Variants in AKAP13 observed in about 807,000 individuals in gnomAD.
AKAP13 encodes the protein A-kinase anchoring protein 13, also known as A-kinase anchor protein 13.
Under a neutral mutation model 264.5 loss-of-function variants are expected in AKAP13, and 80 were observed. The ratio of observed to expected loss-of-function variants is 0.30; its 90% confidence interval spans 0.25 to 0.36. AKAP13 has a LOEUF of 0.36. Ranked by LOEUF, AKAP13 falls within the 10% of genes least tolerant of loss-of-function variation. The pLI is 1.00. For synonymous variants in AKAP13, 1,380 were observed against 1,250.2 expected (o/e 1.10, Z -2.19); for missense variants, 3,712 against 3,435.2 (o/e 1.08, Z -2.01).
intron 1 of AKAP13, among the ~76,000 whole-genome samples, chr15:85,425,042 A>G (rs1011838921): frequency 6.6e-6 from 1 of 152,216 alleles, no homozygotes; most frequent in African/African-American, 2.4e-5. Flanking sequence ...ATCACAGATT[A>G]CCATAACAGA....
In AKAP13 at chr15:85,521,107, T is replaced by C. The variant is rs191119541; in HGVS notation, c.34-321T>C. ...TTGGATTTTCTTCTATGTCTCCCCC[T>C]GCCCCTCCCCTTTTTAACCCATTCA... On this transcript the variant is annotated intron_variant, in intron 2 of 36. Coordinates refer to ENST00000394518, the MANE Select transcript of AKAP13 (RefSeq NM_007200.5). 7.2e-3 allele frequency among the ~76,000 whole-genome samples: 1,090 copies of C among 152,344 alleles called. 20 individuals carry two copies. The highest frequency in any genetic ancestry group is 0.025 in the African/African-American group (1,037 of 41,572).
At chr15:85,678,303 T>A (rs1220733307) in intron 14 of AKAP13, among the ~76,000 whole-genome samples, 1 of 152,198 alleles carries the variant, frequency 6.6e-6, no homozygotes, top group Non-Finnish European at 1.5e-5. Context: ...ACTTGCTGAT[T>A]CTAAGTTTCA....
intron 14 of AKAP13, among the ~76,000 whole-genome samples, chr15:85,672,388 A>C (rs1487778581): frequency 6.6e-6 from 1 of 152,278 alleles, no homozygotes; most frequent in Non-Finnish European, 1.5e-5. Context: ...AACATAATAC[A>C]TCATTTTGGA....
At chr15:85,566,265 G>A (rs1212796110) in intron 5 of AKAP13, among the ~76,000 whole-genome samples, 1 of 152,202 alleles carries the variant, frequency 6.6e-6, no homozygotes, top group Non-Finnish European at 1.5e-5. Context: ...TGGTACATAA[G>A]ATGATGGTGC....
At chr15:85,429,399 G>A (rs1414476084) in intron 1 of AKAP13, among the ~76,000 whole-genome samples, 1 of 152,088 alleles carries the variant, frequency 6.6e-6, no homozygotes. Context: ...GTGCAGCAAG[G>A]GAAGCGATTC....
At chr15:85,544,042 T>C in intron 5 of AKAP13, 87 bp downstream of exon 5, 1 of 1,504,146 alleles carries the variant, frequency 6.6e-7, no homozygotes, top group South Asian at 1.1e-5. Context: ...GGCATCTCAT[T>C]GTGTGTTTGC....
Position 85,736,099 on chromosome 15 carries a change from G to T in AKAP13, c.7522G>T (p.Ala2508Ser), listed in dbSNP as rs2088467553. 5.0e-6 allele frequency: 8 copies of T among 1,606,124 alleles called. No individual in the cohort carries two copies. Among genetic ancestry groups the T allele is most frequent in the Non-Finnish European group, 6.0e-6 (7 of 1,173,174 alleles). The change falls in exon 33 of 37, where the codon GCT (alanine) becomes TCT (serine). Residue 2508 changes from alanine (A) to serine (S), a missense_variant. Ala to Ser is a moderately conservative substitution (Grantham distance 99). Transcript: ENST00000394518. ...GTTTTTTGTTTTATAGGGTGGAAATGCTAACCTGGTATTTATGCTTAAAAG... is the reference window on the plus strand; with the variant it reads ...GTTTTTTGTTTTATAGGGTGGAAATTCTAACCTGGTATTTATGCTTAAAAG... ...SDSGLKKGGN[A>S]NLVFMLKRNS...
At chr15:85,583,199 T>A (rs2079196078) in intron 7 of AKAP13, 1 of 984,180 alleles carries the variant, frequency 1.0e-6, no homozygotes, top group Non-Finnish European at 1.2e-6. Flanking sequence ...TATTGTTTAT[T>A]TTTGCTGTTC....
intron 1 of AKAP13, among the ~76,000 whole-genome samples, chr15:85,453,126 T>C (rs2074151328): frequency 6.6e-6 from 1 of 152,126 alleles, no homozygotes; most frequent in Admixed American, 6.5e-5. Flanking sequence ...CTGCAGCTTG[T>C]TGGAGTGTGG....
intron 1 of AKAP13, among the ~76,000 whole-genome samples, chr15:85,443,938 AT>A (rs2073807796): frequency 6.6e-6 from 1 of 152,008 alleles, no homozygotes; most frequent in Non-Finnish European, 1.5e-5. Context: ...TCTGTTGTTT[AT>A]TTTGTTGCCA....
intron 9 of AKAP13, among the ~76,000 whole-genome samples, chr15:85,645,267 C>A (rs1036677015): frequency 6.6e-6 from 1 of 152,184 alleles, no homozygotes. Flanking sequence ...GGTCCCTGTT[C>A]TAGTTATTGA....
chr15:85,664,282 T>C (rs2083484283), intron 12 of AKAP13, among the ~76,000 whole-genome samples: 1 of 152,180 alleles, frequency 6.6e-6, no homozygotes, highest in African/African-American at 2.4e-5. Context: ...TCTGTCCATA[T>C]AGTGTGTAGA....
chr15:85,538,490 CTTT>C (rs1056287024), intron 4 of AKAP13, among the ~76,000 whole-genome samples: 3 of 139,046 alleles, frequency 2.2e-5, no homozygotes, highest in South Asian at 2.3e-4. Context: ...GCTTTTCTTT[CTTT>C]TTTTTTTTTT....
intron 8 of AKAP13, among the ~76,000 whole-genome samples, chr15:85,613,613 G>A (rs1041501278): frequency 6.9e-5 from 10 of 145,284 alleles, no homozygotes; most frequent in African/African-American, 1.8e-4. Context: ...CCCCGGAGGC[G>A]GAGCTTGCAG....
At chr15:85,467,834 C>T (rs1335879822) in intron 1 of AKAP13, among the ~76,000 whole-genome samples, 1 of 152,158 alleles carries the variant, frequency 6.6e-6, no homozygotes, top group Non-Finnish European at 1.5e-5. Flanking sequence ...CTCTGTTATC[C>T]AACCTGTTGC....
chr15:85,542,623 G>A (rs1032390644), intron 4 of AKAP13, among the ~76,000 whole-genome samples: 1 of 152,208 alleles, frequency 6.6e-6, no homozygotes, highest in Non-Finnish European at 1.5e-5. Context: ...ACTTCAGGGT[G>A]CCATTCCCAG....
At chr15:85,559,201 G>T (rs192086288) in intron 5 of AKAP13, among the ~76,000 whole-genome samples, 1 of 152,266 alleles carries the variant, frequency 6.6e-6, no homozygotes. Context: ...GTGAAGCACT[G>T]GTTAAACAGA....
intron 13 of AKAP13, among the ~76,000 whole-genome samples, chr15:85,668,229 T>G (rs1364064279): frequency 6.6e-6 from 1 of 152,220 alleles, no homozygotes; most frequent in Non-Finnish European, 1.5e-5. Flanking sequence ...CTCTAAATAA[T>G]CAGAAGTCTG....
chr15:85,561,739 A>G (rs1406897748), intron 5 of AKAP13, among the ~76,000 whole-genome samples: 1 of 152,234 alleles, frequency 6.6e-6, no homozygotes, highest in East Asian at 1.9e-4. Flanking sequence ...GTGATGTAGT[A>G]TTCCAGAAGT....
Sources: allele counts gnomAD v4.1 joint callset (sites outside exome capture counted in the v4.1 genomes callset), GRCh38; gene constraint gnomAD v4.1.1; transcripts MANE v1.5; gene names NCBI Gene and HGNC (gene_info 2026-07-23, HGNC 2026-07-21).